Variants in ENO4 observed in about 807,000 individuals in gnomAD.
ENO4 encodes the protein 2-phospho-D-glycerate hydro-lyase.
A neutral mutation model predicts 63.2 loss-of-function variants in ENO4; 53 were observed. The observed-to-expected ratio is 0.84, with a 90% CI of 0.67 to 1.05. The LOEUF (loss-of-function observed/expected upper bound fraction) is 1.05, where lower values mean the gene tolerates loss of function less well. ENO4 is among the 50% of genes least tolerant of loss of function. ENO4 has a pLI of 0.00. For missense variants in ENO4, 719 were observed against 772.0 expected (o/e 0.93, Z 0.81); for synonymous variants, 266 against 283.8 (o/e 0.94, Z 0.63).
chr10:116,892,922 T>C (rs1847382142), intron 10 of ENO4, among the ~76,000 whole-genome samples: 1 of 152,218 alleles, frequency 6.6e-6, no homozygotes, highest in African/African-American at 2.4e-5. Flanking sequence ...GAAAGCAATT[T>C]GGTTCTCTAT....
In ENO4 at chr10:116,876,230, G is replaced by T; in HGVS notation, c.1507G>T (p.Asp503Tyr). 6.5e-7 allele frequency: 1 copy of T among 1,547,230 alleles called. No homozygotes were observed. The highest frequency in any genetic ancestry group is 1.2e-5 in the South Asian group (1 of 83,082). The change falls in exon 11 of 14, where the codon GAC becomes TAC. Residue 503 changes from aspartate to tyrosine, a missense_variant. Physicochemically the swap from Asp to Tyr is radical, Grantham distance 160. Coordinates refer to ENST00000341276, the MANE Select transcript of ENO4 (RefSeq NM_001242699.2). Reference protein sequence around the residue: ...IKHTNQTTMSDLVEITNLIDS... With the variant: ...IKHTNQTTMSYLVEITNLIDS... ...ACACACAAACCAAACTACAATGTCT[G>T]ACTTGGTGGAAATAACCAATCTGAT...
chr10:116,883,867 C>A, downstream of ENO4: 1 of 190,812 alleles, frequency 5.2e-6, no homozygotes, highest in South Asian at 7.8e-5. Flanking sequence ...TGTTTGAGAC[C>A]AGCTCACATA....
intron 10 of ENO4, among the ~76,000 whole-genome samples, chr10:116,899,536 TGTGTGTGTGTGAGA>T (rs1297567965): frequency 8.0e-4 from 71 of 88,284 alleles, no homozygotes; most frequent in African/African-American, 1.8e-3. Flanking sequence ...TGTGTGTGTG[TGTGTGTGTGTGAGA>T]GAGTGCATGC....
intron 10 of ENO4, chr10:116,901,883 T>G: frequency 1.2e-6 from 2 of 1,608,390 alleles, no homozygotes; most frequent in Non-Finnish European, 1.7e-6. Context: ...TTCAAGGCTG[T>G]TTTTGTTACA....
chr10:116,881,593 C>T lies in ENO4; in HGVS notation c.1802C>T (p.Ala601Val), dbSNP rs1179452489. 1 of 1,550,306 alleles carries T rather than the reference C, an allele frequency of 6.5e-7. No individual in the cohort carries two copies. The highest frequency in any genetic ancestry group is 1.4e-5 in the African/African-American group (1 of 73,046). The change falls in exon 14 of 14, where the codon GCT becomes GTT. Residue 601 changes from alanine (A) to valine (V), a missense_variant. Ala to Val is a moderately conservative substitution (Grantham distance 64, BLOSUM62 0). Around this residue, in one of 3 missense-constraint regions of ENO4, gnomAD observed 168 missense variants for 163.3 expected, o/e 1.03. Transcript: ENST00000341276. Reference sequence around the variant, plus strand: ...GCGGAGGCACTTGAGGCTGCTGCGGCTAGGGAGCCGCTGGTGCCCACCTTC... The same window carrying T: ...GCGGAGGCACTTGAGGCTGCTGCGGTTAGGGAGCCGCTGGTGCCCACCTTC... ...KAAEALEAAA[A>V]REPLVPTFPT...
chr10:116,870,814 G>A (rs1846671928), intron 8 of ENO4, among the ~76,000 whole-genome samples: 1 of 152,138 alleles, frequency 6.6e-6, no homozygotes. Flanking sequence ...CACCAACTGG[G>A]TGGTTGTGAC....
chr10:116,881,008 G>C (rs1479562691), intron 13 of ENO4, among the ~76,000 whole-genome samples: 1 of 152,192 alleles, frequency 6.6e-6, no homozygotes, highest in South Asian at 2.1e-4. Flanking sequence ...CACTGGCCTT[G>C]GTGAATCACT....
At chr10:116,869,907 C>A (rs80175422) in intron 8 of ENO4, among the ~76,000 whole-genome samples, 3 of 152,134 alleles carry the variant, frequency 2.0e-5, no homozygotes, top group Admixed American at 2.0e-4. Flanking sequence ...AAATGGAGAT[C>A]ATAATATCTT....
At chr10:116,850,053 A>ACCGC in intron 1 of ENO4, 1 of 502,980 alleles carries the variant, frequency 2.0e-6, no homozygotes, top group Non-Finnish European at 3.6e-6. Flanking sequence ...GGGCCGGCCC[A>ACCGC]CCGCCCATGC....
At chr10:116,885,824 T>C (rs1847147808), downstream of ENO4, 1 of 154,216 alleles carries the variant, frequency 6.5e-6, no homozygotes, top group Middle Eastern at 3.2e-3. Flanking sequence ...GAGTTTTCAG[T>C]TTATCTCAGT....
chr10:116,853,748 C>A (rs919829064), intron 1 of ENO4, among the ~76,000 whole-genome samples: 2 of 152,182 alleles, frequency 1.3e-5, no homozygotes, highest in African/African-American at 4.8e-5. Flanking sequence ...AACATACAAA[C>A]CACCATTTAA....
At position 116,860,779 on chromosome 10, in the gene ENO4, T is replaced by G; in HGVS notation, c.635-15T>G. 2.8e-6 allele frequency: 4 copies of G among 1,432,368 alleles called. No individual in the cohort carries two copies. The highest frequency in any genetic ancestry group is 1.8e-4 in the Middle Eastern group (1 of 5,470). The allele number at this position is 1,432,368 out of a possible 1,614,324, so 88.7% of individuals were successfully genotyped here. On this transcript the variant is annotated splice_polypyrimidine_tract_variant and intron_variant, in intron 4 of 13. Transcript: ENST00000341276. ...TTTAGAAATACAGTCTTACTCTCAA[T>G]ATTTCTCCCTCCAGGGAGGAAGGAT...
chr10:116,906,425 G>A (rs1847974976), intron 10 of ENO4, among the ~76,000 whole-genome samples: 1 of 152,154 alleles, frequency 6.6e-6, no homozygotes, highest in Non-Finnish European at 1.5e-5. Context: ...CTACAAATAA[G>A]TAAACACACC....
intron 7 of ENO4, among the ~76,000 whole-genome samples, chr10:116,863,356 TCACACACA>T (rs10646641): frequency 5.4e-5 from 8 of 147,404 alleles, no homozygotes; most frequent in Non-Finnish European, 7.5e-5. Context: ...CTGTGGGGCT[TCACACACA>T]CACACACACA....
rs1016427980 is a variant in ENO4, at chr10:116,855,881, T to C, written c.294+130T>C. On this transcript the variant is annotated intron_variant, in intron 2 of 13. Transcript: ENST00000341276. Reference sequence around the variant, plus strand: ...GTGAAATATATTTCATAGGTAGTCATGTAAGCATGAATCATACCATCAACC... The same window carrying C: ...GTGAAATATATTTCATAGGTAGTCACGTAAGCATGAATCATACCATCAACC... The C allele has an allele frequency of 6.5e-6, 7 of 1,070,528 alleles. No individual in the cohort carries two copies. The Admixed American group carries it at 9.3e-5, about 14-fold the overall frequency. The allele number at this position is 1,070,528 out of a possible 1,614,324, so 66.3% of individuals were successfully genotyped here. A position where few individuals can be genotyped will look rare whatever the true frequency, so the allele number is the denominator to read the frequency against.
chr10:116,893,557 C>A (rs1400673927), intron 10 of ENO4, among the ~76,000 whole-genome samples: 2 of 145,036 alleles, frequency 1.4e-5, no homozygotes, highest in Admixed American at 7.0e-5. Context: ...CCCTCCCCCT[C>A]CCTGATAGGC....
chr10:116,859,029 A>G lies in ENO4; in HGVS notation c.525A>G (p.Arg175=), dbSNP rs1374097798. 2 of 1,535,686 alleles carry G rather than the reference A, an allele frequency of 1.3e-6. No individual in the cohort carries two copies. Among genetic ancestry groups the G allele is most frequent in the Non-Finnish European group, 1.7e-6 (2 of 1,146,716 alleles). ...FASKVQEDKG[R]KELEKSLEYS... is the part of the protein sequence containing the mutation. Reference sequence around the variant, plus strand: ...GTAAAGTACAAGAAGATAAGGGGAGAAAAGAATTGGAAAAGAGCCTGGAAT... The same window carrying G: ...GTAAAGTACAAGAAGATAAGGGGAGGAAAGAATTGGAAAAGAGCCTGGAAT... Residue 175 remains arginine (R), a synonymous_variant, in exon 4 of 14, where the codon AGA becomes AGG. Coordinates refer to ENST00000341276, the MANE Select transcript of ENO4 (RefSeq NM_001242699.2).
At chr10:116,850,093 T>G in intron 1 of ENO4, 1 of 393,960 alleles carries the variant, frequency 2.5e-6, no homozygotes, top group Non-Finnish European at 4.8e-6. Context: ...ACACATACCT[T>G]AATGCCCTCA....
intron 10 of ENO4, among the ~76,000 whole-genome samples, chr10:116,875,144 T>G (rs1164904742): frequency 6.6e-6 from 1 of 152,226 alleles, no homozygotes; most frequent in African/African-American, 2.4e-5. Flanking sequence ...TGAACAGATA[T>G]ATTGAACAGA....
Sources: allele counts gnomAD v4.1 joint callset (sites outside exome capture counted in the v4.1 genomes callset), GRCh38; gene constraint gnomAD v4.1.1; regional missense constraint gnomAD v4.1.1; transcripts MANE v1.5; gene names NCBI Gene and HGNC (gene_info 2026-07-23, HGNC 2026-07-21).